CDK5RAP2: variants seen among roughly 807,000 people sequenced by gnomAD.
The protein encoded by CDK5RAP2 is CDK5 regulatory subunit associated protein 2.
CDK5RAP2 carries 147 observed loss-of-function variants against 232.9 expected under a neutral mutation model. That is an observed-to-expected ratio of 0.63 (90% CI 0.55 to 0.72). CDK5RAP2 has a LOEUF of 0.72. CDK5RAP2 is among the 30% of genes least tolerant of loss of function. CDK5RAP2 has a pLI of 0.00. For missense variants in CDK5RAP2, 2,195 were observed against 2,231.5 expected, an observed-to-expected ratio of 0.98 and a Z score of 0.33; for synonymous variants, 833 against 833.7, an observed-to-expected ratio of 1.00 and a Z score of 0.01.
intron 9 of CDK5RAP2, among the ~76,000 whole-genome samples, chr9:120,528,400 C>G (rs1225457322): frequency 1.3e-5 from 2 of 152,180 alleles, no homozygotes; most frequent in African/African-American, 2.4e-5. Context: ...ACTTTCTAAG[C>G]TGGCAGGCAC....
At chr9:120,466,939 T>A (rs1464455023) in intron 18 of CDK5RAP2, among the ~76,000 whole-genome samples, 2 of 152,100 alleles carry the variant, frequency 1.3e-5, no homozygotes, top group Non-Finnish European at 1.5e-5. Flanking sequence ...GGGACCCAAG[T>A]ACAAAAAGGC....
intron 12 of CDK5RAP2, among the ~76,000 whole-genome samples, chr9:120,491,771 G>A (rs115972931): frequency 3.3e-5 from 5 of 152,012 alleles, no homozygotes; most frequent in African/African-American, 7.2e-5. Context: ...TAAAGAGTAC[G>A]GTATTTAAAA....
intron 14 of CDK5RAP2, among the ~76,000 whole-genome samples, chr9:120,479,556 G>A (rs1200456881): frequency 5.3e-5 from 8 of 152,198 alleles, no homozygotes; most frequent in Admixed American, 5.2e-4. Context: ...ACAATGAGAA[G>A]AACATAGCAT....
intron 35 of CDK5RAP2, among the ~76,000 whole-genome samples, chr9:120,397,544 TAAAA>T (rs760469422): frequency 5.1e-4 from 25 of 49,196 alleles, no homozygotes; most frequent in South Asian, 8.3e-4. Flanking sequence ...AAAACATTCT[TAAAA>T]AAAAAAAAAA....
At position 120,529,132 on chromosome 9, in the gene CDK5RAP2, A is replaced by G. The variant is rs2041035629; in HGVS notation, c.826-335T>C. On this transcript the variant is annotated intron_variant, in intron 8 of 37. Transcript: ENST00000349780. The stretch of plus-strand genomic sequence containing the variant: ...GAGGGACAGGAGACAACTGTGGATT[A>G]CAGATGAAAACGAACTGGCAAGGCC... 2.0e-5 allele frequency among the ~76,000 whole-genome samples: 3 copies of G among 152,264 alleles called. No homozygotes were observed. In the South Asian group the frequency reaches 6.2e-4, roughly 32 times the overall value.
chr9:120,485,487 G>T (rs2038551499), intron 14 of CDK5RAP2, among the ~76,000 whole-genome samples: 2 of 152,034 alleles, frequency 1.3e-5, no homozygotes, highest in African/African-American at 4.8e-5. Context: ...TAGAGACGGG[G>T]TTTCACCATA....
chr9:120,455,470 A>G (rs1460397110), intron 20 of CDK5RAP2, among the ~76,000 whole-genome samples: 1 of 151,998 alleles, frequency 6.6e-6, no homozygotes, highest in Non-Finnish European at 1.5e-5. Flanking sequence ...GCCAGGCATC[A>G]TGGTTCATGC....
At chr9:120,546,778 C>A (rs766261263) in intron 4 of CDK5RAP2, among the ~76,000 whole-genome samples, 1 of 152,002 alleles carries the variant, frequency 6.6e-6, no homozygotes, top group African/African-American at 2.4e-5. Context: ...GGACTATAGG[C>A]GTGCACTGCC....
At chr9:120,530,585 G>A (rs529102843) in intron 7 of CDK5RAP2, among the ~76,000 whole-genome samples, 1 of 152,250 alleles carries the variant, frequency 6.6e-6, no homozygotes, top group African/African-American at 2.4e-5. Context: ...TAAAAACACT[G>A]ACTTTCAAGA....
intron 1 of CDK5RAP2, 80 bp downstream of exon 1, chr9:120,579,840 C>T: frequency 8.2e-7 from 1 of 1,214,842 alleles, no homozygotes; most frequent in Non-Finnish European, 1.2e-6. Flanking sequence ...CAAGAGCAAA[C>T]CCCAAGGCCG....
chr9:120,574,613 G>A (rs1472360502), intron 1 of CDK5RAP2, among the ~76,000 whole-genome samples: 2 of 152,180 alleles, frequency 1.3e-5, no homozygotes, highest in African/African-American at 4.8e-5. Context: ...GTTTCCTCAC[G>A]TGCAAAATAA....
At chr9:120,479,313 T>G (rs148141789) in intron 14 of CDK5RAP2, among the ~76,000 whole-genome samples, 14 of 152,200 alleles carry the variant, frequency 9.2e-5, no homozygotes, top group African/African-American at 3.1e-4. Flanking sequence ...TCGCCAACCA[T>G]CACAGTAATA....
chr9:120,476,075 C>T (rs1042436011), intron 15 of CDK5RAP2, among the ~76,000 whole-genome samples: 28 of 152,100 alleles, frequency 1.8e-4, no homozygotes, highest in Non-Finnish European at 3.1e-4. Context: ...GTAGGAAACA[C>T]AGGTGAAGGT....
chr9:120,413,822 GAGGAGGGAGGAGGGAGGAGGGA>G (rs1371097716), intron 28 of CDK5RAP2, among the ~76,000 whole-genome samples: 1 of 133,200 alleles, frequency 7.5e-6, no homozygotes, highest in Non-Finnish European at 1.6e-5. Context: ...AGGGAGGAGG[GAGGAGGGAGGAGGGAGGAGGGA>G]AGGAGGAGGG....
intron 13 of CDK5RAP2, among the ~76,000 whole-genome samples, chr9:120,490,037 C>A (rs1252320905): frequency 6.6e-6 from 1 of 152,180 alleles, no homozygotes; most frequent in Non-Finnish European, 1.5e-5. Flanking sequence ...AAACTCCCGA[C>A]CTCGGGTTAT....
Position 120,443,602 on chromosome 9 carries a change from C to A in CDK5RAP2, c.3148+18G>T. On this transcript the variant is annotated intron_variant, in intron 23 of 37. Coordinates refer to ENST00000349780, the MANE Select transcript of CDK5RAP2 (RefSeq NM_018249.6). ...GCACATGGAAGCTGTTCAATACACA[C>A]AGGGGCTGAATTCTGACCAATCTCG... is the stretch of plus-strand genomic sequence containing the variant. 1 of 1,613,908 alleles carries A rather than the reference C, an allele frequency of 6.2e-7. No individual in the cohort carries two copies. Among genetic ancestry groups the A allele is most frequent in the South Asian group, 1.1e-5 (1 of 91,072 alleles).
At chr9:120,442,947 AGT>A in intron 23 of CDK5RAP2, among the ~76,000 whole-genome samples, 1 of 152,322 alleles carries the variant, frequency 6.6e-6, no homozygotes, top group African/African-American at 2.4e-5. Context: ...CTGGATTAAT[AGT>A]GATTTTTTTT....
At chr9:120,426,425 G>A (rs898989665) in intron 25 of CDK5RAP2, among the ~76,000 whole-genome samples, 5 of 152,146 alleles carry the variant, frequency 3.3e-5, no homozygotes, top group Non-Finnish European at 5.9e-5. Context: ...AGTGGGTGGC[G>A]GGCTTCCAGG....
intron 34 of CDK5RAP2, among the ~76,000 whole-genome samples, chr9:120,401,512 T>C (rs1168481244): frequency 1.4e-5 from 2 of 144,842 alleles, no homozygotes; most frequent in Middle Eastern, 4.0e-3. Context: ...CTCAGGAAGC[T>C]GGGATGGGAG....
Sources: gnomAD v4.1 joint callset for allele counts (sites outside exome capture counted in the v4.1 genomes callset) on GRCh38, gnomAD v4.1.1 for gene constraint, MANE v1.5 for transcripts, NCBI Gene and HGNC (gene_info 2026-07-23, HGNC 2026-07-21) for gene names.